The following FAM241B variants were observed in gnomAD, a reference collection of about 807,000 sequenced individuals.
FAM241B encodes protein FAM241B.
A neutral mutation model predicts 9.3 loss-of-function variants in FAM241B; 7 were observed. That is an observed-to-expected ratio of 0.75 (90% CI 0.43 to 1.41). FAM241B has a LOEUF of 1.41. Ranked by LOEUF, FAM241B falls within the 40% of genes most tolerant of loss-of-function variation. The pLI is 0.01. For missense variants in FAM241B, 136 were observed against 159.6 expected (o/e 0.85, Z 0.80); for synonymous variants, 60 against 64.1 (o/e 0.94, Z 0.31).
intron 3 of FAM241B, 39 bp from the exon 4 acceptor site, chr10:69,632,751 C>T (rs1399030990): frequency 6.3e-7 from 1 of 1,598,212 alleles, no homozygotes; most frequent in East Asian, 2.2e-5. Flanking sequence ...GTGCGTCAAC[C>T]CAATGATTCA....
intron 3 of FAM241B, 123 bp downstream of exon 3, chr10:69,631,962 G>GCTGGGTAAGAC: frequency 8.3e-7 from 1 of 1,202,250 alleles, no homozygotes; most frequent in Non-Finnish European, 1.1e-6. Context: ...TTTGCAGAGA[G>GCTGGGTAAGAC]CTGGGGAAGA....
rs572536264 is a variant in FAM241B at position 69,633,174 on chromosome 10, G to C, written c.*115G>C. ...GCCTTGAAGGTATGATCAGAGAGGG[G>C]ACCACAGGTGTGTGTTTCCCCTTTG... is the stretch of plus-strand genomic sequence containing the variant. On this transcript the variant is annotated 3_prime_UTR_variant, in exon 4 of 4. Transcript: ENST00000373279. 7.1e-7 allele frequency: 1 copy of C among 1,402,574 alleles called. No individual in the cohort carries two copies. Among genetic ancestry groups the C allele is most frequent in the East Asian group, 2.3e-5 (1 of 43,720 alleles). 86.9% of individuals were successfully genotyped at this position (1,402,574 alleles called of 1,614,324 possible). A position where few individuals can be genotyped will look rare whatever the true frequency, so the allele number is the denominator to read the frequency against.
At chr10:69,630,649 C>T in intron 1 of FAM241B, 1 of 1,299,810 alleles carries the variant, frequency 7.7e-7, no homozygotes, top group South Asian at 1.2e-5. Flanking sequence ...GTCACCAGTG[C>T]TATCTGGAAT....
chr10:69,632,550 C>T (rs1839847016), intron 3 of FAM241B, among the ~76,000 whole-genome samples: 1 of 151,858 alleles, frequency 6.6e-6, no homozygotes, highest in Non-Finnish European at 1.5e-5. Flanking sequence ...CCTGCCTCAA[C>T]CACTTCCTCT....
chr10:69,631,921 G>A (rs1839831056), intron 3 of FAM241B, 82 bp downstream of exon 3: 3 of 1,534,510 alleles, frequency 2.0e-6, no homozygotes, highest in Non-Finnish European at 2.6e-6. Flanking sequence ...CTCTCTTGCT[G>A]GTCACTAACC....
intron 1 of FAM241B, 80 bp from the exon 2 acceptor site, chr10:69,631,400 T>G: frequency 8.4e-7 from 1 of 1,196,784 alleles, no homozygotes. Flanking sequence ...TTTTTGATAG[T>G]TTTCCTGGTG....
Position 69,633,343 on chromosome 10 carries a change from T to G in FAM241B, c.*284T>G. 1 of 483,496 alleles carries G rather than the reference T, an allele frequency of 2.1e-6. No homozygotes were observed. 30.0% of individuals were successfully genotyped at this position (483,496 alleles called of 1,614,324 possible). A position where few individuals can be genotyped will look rare whatever the true frequency, so the allele number is the denominator to read the frequency against. On this transcript the variant is annotated 3_prime_UTR_variant, in exon 4 of 4. Transcript: ENST00000373279. Reference sequence around the variant, plus strand: ...AGCAAGAAAGCGATGCCCTTCCCAATTCTCTCAATCCTTTTATGCCGAGAA... The same window carrying G: ...AGCAAGAAAGCGATGCCCTTCCCAAGTCTCTCAATCCTTTTATGCCGAGAA...
chr10:69,631,958 G>A (rs2133257077), intron 3 of FAM241B, 119 bp downstream of exon 3: 1 of 1,213,618 alleles, frequency 8.2e-7, no homozygotes, highest in Non-Finnish European at 1.1e-6. Flanking sequence ...CCTCTTTGCA[G>A]AGAGCTGGGG....
intron 1 of FAM241B, chr10:69,630,751 C>G: frequency 9.2e-7 from 1 of 1,083,924 alleles, no homozygotes; most frequent in East Asian, 7.4e-5. Flanking sequence ...TCCAGGGGTC[C>G]GCGGAGTGGA....
intron 3 of FAM241B, 36 bp downstream of exon 3, chr10:69,631,875 C>T (rs756356042): frequency 1.9e-6 from 3 of 1,584,530 alleles, no homozygotes; most frequent in Non-Finnish European, 2.6e-6. Context: ...GGACAGATGG[C>T]CTCCTGTGTA....
At chr10:69,630,503 G>A (rs1839798664) in intron 1 of FAM241B, 190 bp downstream of exon 1, 2 of 545,928 alleles carry the variant, frequency 3.7e-6, no homozygotes, top group African/African-American at 2.1e-5. Context: ...CGATGACAAA[G>A]CACAAAGGGA....
chr10:69,631,776 G>A lies in FAM241B; in HGVS notation c.33G>A (p.Val11=). 6.2e-7 allele frequency: 1 copy of A among 1,613,340 alleles called. No individual in the cohort carries two copies. The highest frequency in any genetic ancestry group is 8.5e-7 in the Non-Finnish European group (1 of 1,179,858). MVRILANGEI[V]QDDDPRVRTT... ...GGATCTTGGCCAATGGGGAAATCGT[G>A]CAGGATGACGACCCCCGAGTGAGGA... Residue 11 remains valine (V), a synonymous_variant, in exon 3 of 4, where the codon GTG becomes GTA. Coordinates refer to ENST00000373279, the MANE Select transcript of FAM241B (RefSeq NM_145306.3).
chr10:69,633,415 C>A lies in FAM241B; in HGVS notation c.*356C>A. The A allele has an allele frequency of 3.4e-6, 1 of 295,446 alleles. No homozygotes were observed. The highest frequency in any genetic ancestry group is 6.4e-6 in the Non-Finnish European group (1 of 157,242). 18.3% of individuals were successfully genotyped at this position (295,446 alleles called of 1,614,324 possible). A position where few individuals can be genotyped will look rare whatever the true frequency, so the allele number is the denominator to read the frequency against. The stretch of plus-strand genomic sequence containing the variant: ...TGTTCCGATGCCTGTGGAAGACATG[C>A]CGACGTCTCCTCTGCCTAGGGAGCA... On this transcript the variant is annotated 3_prime_UTR_variant, in exon 4 of 4. Transcript: ENST00000373279.
In FAM241B at chr10:69,633,141, C is replaced by A; in HGVS notation, c.*82C>A. ...GAGAGCAGGCATATTTGGAGGGGAT[C>A]TGGTGGTGCCTTGAAGGTATGATCA... On this transcript the variant is annotated 3_prime_UTR_variant, in exon 4 of 4. Coordinates refer to ENST00000373279, the MANE Select transcript of FAM241B (RefSeq NM_145306.3). 1 of 1,548,380 alleles carries A rather than the reference C, an allele frequency of 6.5e-7. No homozygotes were observed. Among genetic ancestry groups the A allele is most frequent in the African/African-American group, 1.4e-5 (1 of 73,960 alleles).
intron 2 of FAM241B, 33 bp downstream of exon 2, chr10:69,631,580 G>A: frequency 6.5e-7 from 1 of 1,547,080 alleles, no homozygotes; most frequent in South Asian, 1.2e-5. Context: ...TTTGAGGTCA[G>A]GGGGAAAATC....
chr10:69,630,500 A>T, intron 1 of FAM241B, 187 bp downstream of exon 1: 1 of 456,852 alleles, frequency 2.2e-6, no homozygotes, highest in Non-Finnish European at 3.0e-6. Flanking sequence ...GCGCGATGAC[A>T]AAGCACAAAG....
At chr10:69,630,575 C>A (rs1433976759) in intron 1 of FAM241B, 2 of 1,199,720 alleles carry the variant, frequency 1.7e-6, no homozygotes, top group Non-Finnish European at 2.2e-6. Flanking sequence ...GAGGGGGACG[C>A]GCCTGTCCCG....
Position 69,633,187 on chromosome 10 carries a change from T to C in FAM241B, c.*128T>C. 7.5e-7 allele frequency: 1 copy of C among 1,341,838 alleles called. No homozygotes were observed. The highest frequency in any genetic ancestry group is 1.0e-6 in the Non-Finnish European group (1 of 974,240). The allele number at this position is 1,341,838 out of a possible 1,614,324, so 83.1% of individuals were successfully genotyped here. A position where few individuals can be genotyped will look rare whatever the true frequency, so the allele number is the denominator to read the frequency against. On this transcript the variant is annotated 3_prime_UTR_variant, in exon 4 of 4. Coordinates refer to ENST00000373279, the MANE Select transcript of FAM241B (RefSeq NM_145306.3). ...GATCAGAGAGGGGACCACAGGTGTGTGTTTCCCCTTTGTGTTAAGCGTGAG... is the reference window on the plus strand; with the variant it reads ...GATCAGAGAGGGGACCACAGGTGTGCGTTTCCCCTTTGTGTTAAGCGTGAG...
chr10:69,633,242 A>G lies in FAM241B; in HGVS notation c.*183A>G. On this transcript the variant is annotated 3_prime_UTR_variant, in exon 4 of 4. Coordinates refer to ENST00000373279, the MANE Select transcript of FAM241B (RefSeq NM_145306.3). ...AGGGAGACGTTAGTCCAGCATTTCCAAAGTGTGGGTGGGTCCGTTGGTTCC... is the reference window on the plus strand; with the variant it reads ...AGGGAGACGTTAGTCCAGCATTTCCGAAGTGTGGGTGGGTCCGTTGGTTCC... 1 of 912,668 alleles carries G rather than the reference A, an allele frequency of 1.1e-6. No homozygotes were observed. Among genetic ancestry groups the G allele is most frequent in the Non-Finnish European group, 1.6e-6 (1 of 610,734 alleles). 56.5% of individuals were successfully genotyped at this position (912,668 alleles called of 1,614,324 possible).
Sources: allele counts gnomAD v4.1 joint callset (sites outside exome capture counted in the v4.1 genomes callset), GRCh38; gene constraint gnomAD v4.1.1; transcripts MANE v1.5; gene names NCBI Gene and HGNC (gene_info 2026-07-23, HGNC 2026-07-21).